Variants in SCART1 observed in about 807,000 individuals in gnomAD.
The protein encoded by SCART1 is scavenger receptor cysteine-rich domain-containing protein SCART1.
SCART1 carries 62 observed loss-of-function variants against 36.2 expected under a neutral mutation model. That is an observed-to-expected ratio of 1.71 (90% CI 1.40 to 2.12). The LOEUF is 2.12. Among genes scored for constraint, SCART1 ranks in the 30% most tolerant of loss-of-function variants. The pLI is 0.00. For synonymous variants in SCART1, 487 were observed against 238.7 expected, an observed-to-expected ratio of 2.04 and a Z score of -9.59; for missense variants, 1,041 against 540.5, an observed-to-expected ratio of 1.93 and a Z score of -9.18.
rs762417975 is a variant in SCART1 at position 133,467,259 on chromosome 10, G to A, written c.2868G>A (p.Pro956=). ...TCTATGATGTCATTGGGGAAATGCC[G>A]CCAGCAGGACTGTACGAGGAAATCA... The change falls in exon 11 of 12, where the codon CCG becomes CCA. Residue 956 remains proline (P), a synonymous_variant. Transcript: ENST00000640237. The A allele has an allele frequency of 1.3e-5, 9 of 702,868 alleles. 1 individual carries two copies. The highest frequency in any genetic ancestry group is 5.2e-5 in the African/African-American group (3 of 57,248). 43.5% of individuals were successfully genotyped at this position (702,868 alleles called of 1,614,324 possible).
rs575474904 is a variant in SCART1, at chr10:133,461,444, A to G, written c.1969+1274A>G. Among the ~76,000 whole-genome samples, 6 of 152,288 alleles carry G rather than the reference A, an allele frequency of 3.9e-5. No individual in the cohort carries two copies. The South Asian group carries it at 6.2e-4, about 16-fold the overall frequency. On this transcript the variant is annotated intron_variant, in intron 6 of 11. Transcript: ENST00000640237. The stretch of plus-strand genomic sequence containing the variant: ...CTTTAGGAACGCTTTCTTCAGCGAT[A>G]TCTTGGATTATTACGTTTATTTCAA...
exon 12 of SCART1, chr10:133,467,892 C>T (rs530906319): frequency 7.0e-5 from 49 of 699,892 alleles, no homozygotes; most frequent in African/African-American, 7.0e-4. Flanking sequence ...TCTATACGTG[C>T]GGAGGGAGGA....
chr10:133,459,892 C>G (rs920019392), exon 6 of SCART1: 1 of 539,268 alleles, frequency 1.9e-6, no homozygotes, highest in Non-Finnish European at 3.2e-6. Context: ...CCTCAGGGTG[C>G]GGCTGGCCGC....
At chr10:133,459,711 C>T in exon 6 of SCART1, 1 of 700,378 alleles carries the variant, frequency 1.4e-6, no homozygotes, top group East Asian at 2.7e-5. Context: ...CGTGCGCTGT[C>T]TGGGCACCGA....
intron 5 of SCART1, 61 bp from the exon 6 acceptor site, chr10:133,459,425 TG>T (rs1358595258): frequency 1.1e-5 from 7 of 615,796 alleles, no homozygotes; most frequent in Admixed American, 2.7e-5. Flanking sequence ...CGGGCCCTGC[TG>T]GGGGGTGGTC....
chr10:133,458,072 A>C, intron 3 of SCART1: 1 of 633,852 alleles, frequency 1.6e-6, no homozygotes, highest in Non-Finnish European at 2.8e-6. Flanking sequence ...CTGGGATTGC[A>C]GAGGGTGTTG....
At chr10:133,464,316 AGTGAACCTGGGCGTGC>A in intron 6 of SCART1, 1 of 377,936 alleles carries the variant, frequency 2.6e-6, no homozygotes, top group Non-Finnish European at 4.8e-6. Flanking sequence ...CTGGGCGTGC[AGTGAACCTGGGCGTGC>A]AGTGAACCTG....
At chr10:133,457,198 C>T in intron 2 of SCART1, 81 bp from the exon 3 acceptor site, 3 of 677,474 alleles carry the variant, frequency 4.4e-6, no homozygotes, top group Non-Finnish European at 8.0e-6. Context: ...CCATCACTGT[C>T]CTCCCTGAAA....
intron 2 of SCART1, chr10:133,457,058 C>T (rs544494620): frequency 9.8e-5 from 56 of 572,176 alleles, no homozygotes; most frequent in Admixed American, 4.6e-4. Flanking sequence ...CCAGTGTGAA[C>T]GGATCCTGCG....
At chr10:133,468,088 A>T in exon 12 of SCART1, 1 of 572,348 alleles carries the variant, frequency 1.7e-6, no homozygotes, top group South Asian at 2.2e-5. Context: ...AATGTCCTCC[A>T]TGTCCATGTA....
chr10:133,458,699 G>T (rs1850653993), intron 4 of SCART1, 43 bp downstream of exon 4: 1 of 698,136 alleles, frequency 1.4e-6, no homozygotes, highest in African/African-American at 1.8e-5. Flanking sequence ...GCCCTGCCTT[G>T]TTCTCTGTCA....
exon 7 of SCART1, chr10:133,464,745 G>A (rs1453829240): frequency 5.6e-6 from 3 of 536,668 alleles, no homozygotes; most frequent in East Asian, 4.1e-5. Context: ...AGCAGCTGGG[G>A]TGTGGGGTGT....
At chr10:133,468,215 A>T (rs1564836551) in exon 12 of SCART1, 2 of 353,060 alleles carry the variant, frequency 5.7e-6, no homozygotes, top group East Asian at 8.5e-5. Flanking sequence ...AGCAAATGCA[A>T]ATACACATAG....
In SCART1 at chr10:133,465,693, G is replaced by A. The variant is rs2133559340; in HGVS notation, c.2659+128G>A. 3 of 606,752 alleles carry A rather than the reference G, an allele frequency of 4.9e-6. No individual in the cohort carries two copies. In the East Asian group the frequency reaches 8.4e-5, roughly 17 times the overall value. The allele number at this position is 606,752 out of a possible 1,614,324, so 37.6% of individuals were successfully genotyped here. On this transcript the variant is annotated intron_variant, in intron 9 of 11. Transcript: ENST00000640237. Reference sequence around the variant, plus strand: ...TGTTAGTGGGTTGGTTTCCACCCTGGGATTTTTCTGGGATAGGCTGATTTG... The same window carrying A: ...TGTTAGTGGGTTGGTTTCCACCCTGAGATTTTTCTGGGATAGGCTGATTTG...
intron 1 of SCART1, among the ~76,000 whole-genome samples, chr10:133,455,469 G>T (rs535034286): frequency 6.6e-6 from 1 of 152,112 alleles, no homozygotes; most frequent in East Asian, 1.9e-4. Flanking sequence ...TGCCATCGGG[G>T]AGGCTCTTTT....
chr10:133,463,695 T>G (rs568284501), intron 6 of SCART1, among the ~76,000 whole-genome samples: 13 of 152,112 alleles, frequency 8.5e-5, no homozygotes, highest in Non-Finnish European at 1.9e-4. Flanking sequence ...GTTTTCTTTT[T>G]TTAAATTGAC....
intron 6 of SCART1, among the ~76,000 whole-genome samples, chr10:133,463,663 AGCATC>A (rs1850729912): frequency 6.6e-6 from 1 of 151,996 alleles, no homozygotes; most frequent in Non-Finnish European, 1.5e-5. Context: ...AGTATTCCAT[AGCATC>A]TATGTACCAC....
chr10:133,460,402 G>A (rs1850683116), intron 6 of SCART1, among the ~76,000 whole-genome samples: 1 of 150,654 alleles, frequency 6.6e-6, no homozygotes, highest in Admixed American at 6.6e-5. Context: ...TTGGCCCTGG[G>A]GCAGCCCCAC....
rs1317873161 is a variant in SCART1 at position 133,464,686 on chromosome 10, G to A, written c.2050G>A (p.Ala684Thr). 2.1e-5 allele frequency: 15 copies of A among 699,644 alleles called. No individual in the cohort carries two copies. In the Middle Eastern group the frequency reaches 6.9e-4, roughly 32 times the overall value. 43.3% of individuals were successfully genotyped at this position (699,644 alleles called of 1,614,324 possible). Reference sequence around the variant, plus strand: ...CGTGTTCTACAATGGGACCTGGGGCGCCATGTGCAGCAATGCCCTGAAGGA... The same window carrying A: ...CGTGTTCTACAATGGGACCTGGGGCACCATGTGCAGCAATGCCCTGAAGGA... Residue 684 changes from alanine (A) to threonine (T), a missense_variant, in exon 7 of 12, where the codon GCC becomes ACC. Transcript: ENST00000640237.
Sources: gnomAD v4.1 joint callset for allele counts (sites outside exome capture counted in the v4.1 genomes callset) on GRCh38, gnomAD v4.1.1 for gene constraint, MANE v1.5 for transcripts, NCBI Gene and HGNC (gene_info 2026-07-23, HGNC 2026-07-21) for gene names.